SATL1: variants seen among roughly 807,000 people sequenced by gnomAD.
The protein encoded by SATL1 is spermidine/spermine N(1)-acetyltransferase-like protein 1.
A neutral mutation model predicts 51.8 loss-of-function variants in SATL1; 47 were observed. The ratio of observed to expected loss-of-function variants is 0.91; its 90% CI spans 0.72 to 1.16. The LOEUF (loss-of-function observed/expected upper bound fraction) is 1.16, where lower values mean the gene tolerates loss of function less well. SATL1 is among the 50% of genes most tolerant of loss of function. SATL1 has a pLI of 0.00. For missense variants in SATL1, 520 were observed against 526.4 expected, an observed-to-expected ratio of 0.99 and a Z score of 0.12; for synonymous variants, 176 against 182.4, an observed-to-expected ratio of 0.97 and a Z score of 0.28.
chrX:85,146,050 C>T (rs1340716175), intron 2 of SATL1, among the ~76,000 whole-genome samples: 1 of 110,101 alleles, frequency 9.1e-6, no homozygotes, highest in East Asian at 2.9e-4. Flanking sequence ...GCGCCCGCCA[C>T]CACGCCCGGC....
At chrX:85,177,492 C>T (rs1285056351) in intron 2 of SATL1, among the ~76,000 whole-genome samples, 3 of 111,131 alleles carry the variant, frequency 2.7e-5, no homozygotes, top group Admixed American at 9.6e-5. Context: ...TCTTGATATT[C>T]GGGATATGAC....
intron 2 of SATL1, among the ~76,000 whole-genome samples, chrX:85,159,526 A>G (rs1015586859): frequency 1.8e-5 from 2 of 111,629 alleles, no homozygotes; most frequent in East Asian, 2.8e-4. Flanking sequence ...CCTACCCCCA[A>G]TAAATAGAAA....
chrX:85,157,012 G>A (rs190060546), intron 2 of SATL1, among the ~76,000 whole-genome samples: 1 of 106,753 alleles, frequency 9.4e-6, no homozygotes, highest in African/African-American at 3.4e-5. Context: ...TGTCATATTA[G>A]GCCACAAGTA....
Position 85,109,039 on chromosome X carries a change from C to G in SATL1, c.-71G>C. On this transcript the variant is annotated 5_prime_UTR_variant, in exon 3 of 8. Coordinates refer to ENST00000644105, the MANE Select transcript of SATL1 (RefSeq NM_001367857.2). ...GATGGGTTGGCAGACAACTGATTGGCTGATGGCTGTCTTGATGGAACAGAA... is the reference window on the plus strand; with the variant it reads ...GATGGGTTGGCAGACAACTGATTGGGTGATGGCTGTCTTGATGGAACAGAA... 1 of 981,322 alleles carries G rather than the reference C, an allele frequency of 1.0e-6. No homozygotes were observed. Among genetic ancestry groups the G allele is most frequent in the East Asian group, 3.3e-5 (1 of 29,932 alleles). 80.9% of individuals were successfully genotyped at this position (981,322 alleles called of 1,213,427 possible).
At chrX:85,126,841 C>G (rs887559196) in intron 2 of SATL1, among the ~76,000 whole-genome samples, 1 of 107,727 alleles carries the variant, frequency 9.3e-6, no homozygotes, top group East Asian at 3.0e-4. Flanking sequence ...AAGTTTTACC[C>G]CCCCCACCAC....
chrX:85,100,369 AC>A (rs1259440802), intron 4 of SATL1, among the ~76,000 whole-genome samples: 1 of 112,221 alleles, frequency 8.9e-6, no homozygotes, highest in Non-Finnish European at 1.9e-5. Flanking sequence ...AGATCAACAA[AC>A]AAAAATAAGT....
intron 2 of SATL1, among the ~76,000 whole-genome samples, chrX:85,145,966 G>A (rs942408473): frequency 1.9e-5 from 2 of 106,196 alleles, no homozygotes; most frequent in Non-Finnish European, 3.9e-5. Context: ...GCACGATCTC[G>A]GCTCACTGCA....
intron 2 of SATL1, among the ~76,000 whole-genome samples, chrX:85,200,327 A>T (rs960070040): frequency 1.8e-5 from 2 of 112,214 alleles, no homozygotes; most frequent in African/African-American, 6.5e-5. Context: ...TCAATAAAAA[A>T]TGACATAAAT....
chrX:85,210,316 G>A (rs1380149099), intron 2 of SATL1: 1 of 101,392 alleles, frequency 9.9e-6, no homozygotes, highest in Non-Finnish European at 2.0e-5. Context: ...TTTAAGTTTT[G>A]CTTAGAACAA....
intron 2 of SATL1, chrX:85,210,103 G>T (rs6653047): frequency 0.25 from 27,313 of 107,148 alleles, 4,045 homozygotes; most frequent in African/African-American, 0.54. Context: ...CCGAGTTTGA[G>T]ATGGTCACTA....
chrX:85,156,866 T>TATAA (rs1254200732), intron 2 of SATL1, among the ~76,000 whole-genome samples: 1 of 56,895 alleles, frequency 1.8e-5, no homozygotes, highest in Non-Finnish European at 3.1e-5. Context: ...TATATATATA[T>TATAA]ATAAAATATG....
At chrX:85,205,587 G>T (rs1448404521) in intron 2 of SATL1, among the ~76,000 whole-genome samples, 2 of 112,078 alleles carry the variant, frequency 1.8e-5, no homozygotes, top group Non-Finnish European at 3.8e-5. Flanking sequence ...TTTCTAAATA[G>T]AGAGAAGAAC....
At position 85,108,318 on chromosome X, in the gene SATL1, G is replaced by A; in HGVS notation, c.651C>T (p.Gly217=). The A allele has an allele frequency of 2.5e-6, 3 of 1,211,573 alleles. No individual in the cohort carries two copies. The highest frequency in any genetic ancestry group is 3.0e-5 in the East Asian group (1 of 33,812). The part of the protein sequence containing the change: ...VPSHPDMSQP[G]MSQQVPSQPG... ...GTTGGCTGGGGACTTGCTGGCTCAT[G>A]CCTGGTTGACTCATGTCTGGGTGGC... Residue 217 remains glycine (G), a synonymous_variant, in exon 3 of 8, where the codon GGC becomes GGT. Coordinates refer to ENST00000644105, the MANE Select transcript of SATL1 (RefSeq NM_001367857.2).
intron 2 of SATL1, among the ~76,000 whole-genome samples, chrX:85,175,294 C>A (rs1470362041): frequency 3.6e-5 from 4 of 111,117 alleles, no homozygotes; most frequent in African/African-American, 1.3e-4. Context: ...CAGAGTAATT[C>A]AAAATAAATC....
At chrX:85,123,007 T>C (rs1452798148) in intron 2 of SATL1, among the ~76,000 whole-genome samples, 2 of 111,830 alleles carry the variant, frequency 1.8e-5, no homozygotes, top group Non-Finnish European at 3.8e-5. Context: ...TTTTTATGAC[T>C]GCACAGAATT....
rs1342831475 is a variant in SATL1 at position 85,234,129 on chromosome X, A to G, written c.-435+9459T>C. On this transcript the variant is annotated intron_variant, in intron 1 of 7. Transcript: ENST00000644105. ...CAGTGGAAACTTTACAGGCCAGGAG[A>G]GAGTGGCATGACATATTTAAAGTGC... Among the ~76,000 whole-genome samples the G allele has an allele frequency of 3.6e-5, 4 of 111,193 alleles. 1 individual carries two copies. In the Admixed American group the frequency reaches 3.8e-4, roughly 11 times the overall value.
intron 2 of SATL1, among the ~76,000 whole-genome samples, chrX:85,152,670 G>A (rs1056808255): frequency 5.4e-5 from 6 of 111,409 alleles, no homozygotes; most frequent in Admixed American, 1.9e-4. Flanking sequence ...CTTTCTAGGG[G>A]CATGGATGAA....
chrX:85,177,376 T>A (rs67341451), intron 2 of SATL1, among the ~76,000 whole-genome samples: 28,052 of 110,946 alleles, frequency 0.25, 3,900 homozygotes, highest in African/African-American at 0.53. Flanking sequence ...TGTAGGTCAA[T>A]TTATATCAAA....
chrX:85,131,919 G>T (rs1315696530), intron 2 of SATL1, among the ~76,000 whole-genome samples: 8 of 111,274 alleles, frequency 7.2e-5, no homozygotes, highest in African/African-American at 2.3e-4. Flanking sequence ...GCTTAGTTTG[G>T]CTGGATATGA....
Sources: gnomAD v4.1 joint callset for allele counts (sites outside exome capture counted in the v4.1 genomes callset) on GRCh38, gnomAD v4.1.1 for gene constraint, MANE v1.5 for transcripts, NCBI Gene and HGNC (gene_info 2026-07-23, HGNC 2026-07-21) for gene names.